Variants in EYS observed in about 807,000 individuals in gnomAD.
EYS encodes EGF-like photoreceptor maintenance factor.
In EYS, 250 loss-of-function variants were observed where a neutral mutation model predicts 282.1. The observed-to-expected ratio is 0.89, with a 90% CI of 0.80 to 0.98. The LOEUF (loss-of-function observed/expected upper bound fraction) is 0.98. EYS is among the 50% of genes least tolerant of loss of function. EYS has a pLI of 0.00. For synonymous variants in EYS, 1,355 were observed against 1,282.9 expected (o/e 1.06, Z -1.20); for missense variants, 4,016 against 3,709.0 (o/e 1.08, Z -2.15).
chr6:64,588,997 G>A (rs145904130), intron 26 of EYS, among the ~76,000 whole-genome samples: 143 of 152,090 alleles, frequency 9.4e-4, no homozygotes, highest in African/African-American at 3.3e-3. Flanking sequence ...TGAAGAATTT[G>A]TGCCCTGATT....
chr6:65,569,478 A>T (rs1764404997), intron 2 of EYS, among the ~76,000 whole-genome samples: 2 of 152,148 alleles, frequency 1.3e-5, no homozygotes, highest in African/African-American at 4.8e-5. Context: ...TTGTAGGACT[A>T]ACAAATTAGC....
At chr6:64,578,179 C>A (rs1765942959) in intron 26 of EYS, among the ~76,000 whole-genome samples, 1 of 152,034 alleles carries the variant, frequency 6.6e-6, no homozygotes, top group Admixed American at 6.6e-5. Flanking sequence ...CAAATAATTT[C>A]ACTTCTCTGC....
At chr6:64,220,762 T>A (rs1438853068) in intron 31 of EYS, among the ~76,000 whole-genome samples, 1 of 152,200 alleles carries the variant, frequency 6.6e-6, no homozygotes, top group East Asian at 1.9e-4. Flanking sequence ...TATATTCATA[T>A]AATAAGTTTG....
chr6:65,135,209 G>T (rs947348391), intron 12 of EYS, among the ~76,000 whole-genome samples: 2 of 151,882 alleles, frequency 1.3e-5, no homozygotes, highest in East Asian at 3.9e-4. Flanking sequence ...TGTTTGCAAC[G>T]GTTGGAAGAG....
chr6:64,232,649 C>A (rs1331987550), intron 30 of EYS, among the ~76,000 whole-genome samples: 1 of 152,140 alleles, frequency 6.6e-6, no homozygotes, highest in Non-Finnish European at 1.5e-5. Context: ...CCTCGGCCCC[C>A]CCAGAGCATT....
Position 64,591,140 on chromosome 6 carries a change from T to G in EYS, c.4727A>C (p.His1576Pro), listed in dbSNP as rs547314043. The G allele has an allele frequency of 7.1e-6, 11 of 1,551,366 alleles. No homozygotes were observed. The East Asian group carries it at 2.7e-4, about 38-fold the overall frequency. ...SSREFSDQVLHSKQSHFYETF... is the reference protein window; with the variant it reads ...SSREFSDQVLPSKQSHFYETF... ...CTCATAAAAGTGGGACTGTTTGCTATGCAAAACTTGATCTGAGAATTCACG... is the reference window on the plus strand; with the variant it reads ...CTCATAAAAGTGGGACTGTTTGCTAGGCAAAACTTGATCTGAGAATTCACG... The change falls in exon 26 of 43, where the codon CAT becomes CCT. Residue 1576 changes from histidine (H) to proline (P), a missense_variant. Physicochemically the swap from His to Pro is moderately conservative, Grantham distance 77. Transcript: ENST00000503581.
intron 16 of EYS, among the ~76,000 whole-genome samples, chr6:64,903,664 C>T (rs780744585): frequency 2.1e-4 from 32 of 152,124 alleles, no homozygotes; most frequent in Admixed American, 4.6e-4. Flanking sequence ...ATTTCAGCTT[C>T]AGCACCTACT....
intron 2 of EYS, among the ~76,000 whole-genome samples, chr6:65,536,216 T>C (rs1562246234): frequency 6.6e-6 from 1 of 151,774 alleles, no homozygotes; most frequent in Non-Finnish European, 1.5e-5. Context: ...TTAAAGACTA[T>C]AGTTAAATAA....
chr6:65,553,936 C>A (rs942336496), intron 2 of EYS, among the ~76,000 whole-genome samples: 1 of 152,062 alleles, frequency 6.6e-6, no homozygotes, highest in African/African-American at 2.4e-5. Context: ...ATATATGTGT[C>A]CTTCTAAAAT....
intron 35 of EYS, among the ~76,000 whole-genome samples, chr6:63,950,640 C>T (rs1391384007): frequency 6.6e-6 from 1 of 152,172 alleles, no homozygotes; most frequent in Non-Finnish European, 1.5e-5. Context: ...GGAGATCAAT[C>T]CCCTGTCCTC....
At chr6:64,867,226 T>G in intron 19 of EYS, among the ~76,000 whole-genome samples, 1 of 74,408 alleles carries the variant, frequency 1.3e-5, no homozygotes, top group East Asian at 3.8e-4. Context: ...AGAGAATTTG[T>G]TCATTTGTTT....
chr6:64,862,925 G>A (rs1209230920), intron 19 of EYS, among the ~76,000 whole-genome samples: 5 of 152,092 alleles, frequency 3.3e-5, no homozygotes, highest in East Asian at 1.9e-4. Context: ...TTCGTGATAC[G>A]TTCTCTGTAT....
chr6:63,958,904 A>G (rs1465824530), intron 35 of EYS, among the ~76,000 whole-genome samples: 4 of 152,316 alleles, frequency 2.6e-5, no homozygotes, highest in Admixed American at 6.5e-5. Context: ...GTGTTCGCTG[A>G]CAATGCACCT....
chr6:64,628,917 C>T (rs1028295365), intron 22 of EYS, among the ~76,000 whole-genome samples: 9 of 152,170 alleles, frequency 5.9e-5, no homozygotes, highest in African/African-American at 2.2e-4. Context: ...TTATTGTTAA[C>T]ATCGTACATT....
intron 30 of EYS, among the ~76,000 whole-genome samples, chr6:64,302,536 A>C (rs924304540): frequency 6.6e-6 from 1 of 152,166 alleles, no homozygotes; most frequent in Non-Finnish European, 1.5e-5. Context: ...AGCCCACAAA[A>C]ATTGAAACTG....
rs114271920 is a variant in EYS, at chr6:64,597,335, T to A, written c.3685-4026A>T. The stretch of plus-strand genomic sequence containing the variant: ...TTTCTCAAAGAACTAAAAATAGAAC[T>A]ACGATTCAATTCAGCAGTCCCACTA... On this transcript the variant is annotated intron_variant, in intron 24 of 42. Transcript: ENST00000503581. Among the ~76,000 whole-genome samples, 836 of 152,232 alleles carry A rather than the reference T, an allele frequency of 5.5e-3. 5 individuals are homozygous for A. Among genetic ancestry groups the A allele is most frequent in the Non-Finnish European group, 8.5e-3 (580 of 68,008 alleles).
At chr6:63,729,460 T>G (rs987465574) in intron 41 of EYS, among the ~76,000 whole-genome samples, 3 of 152,000 alleles carry the variant, frequency 2.0e-5, no homozygotes, top group Non-Finnish European at 4.4e-5. Context: ...TTATTTTACA[T>G]TTAGGCCTTG....
intron 15 of EYS, among the ~76,000 whole-genome samples, chr6:64,938,517 T>C (rs934032889): frequency 6.6e-6 from 1 of 151,708 alleles, no homozygotes; most frequent in African/African-American, 2.4e-5. Context: ...CCCAACTGGT[T>C]TGACGTGATG....
chr6:65,420,337 T>G (rs1177344750), intron 5 of EYS, among the ~76,000 whole-genome samples: 3 of 151,882 alleles, frequency 2.0e-5, no homozygotes, highest in Non-Finnish European at 2.9e-5. Context: ...TAGATTATAT[T>G]TGAAGAAACC....
Sources: allele counts gnomAD v4.1 joint callset (sites outside exome capture counted in the v4.1 genomes callset), GRCh38; gene constraint gnomAD v4.1.1; transcripts MANE v1.5; gene names NCBI Gene and HGNC (gene_info 2026-07-23, HGNC 2026-07-21).